Variants in RPS5 observed in about 807,000 individuals in gnomAD.
RPS5 encodes the protein small ribosomal subunit protein uS7.
Under a neutral mutation model 20.9 loss-of-function variants are expected in RPS5, and 2 were observed. The observed-to-expected ratio is 0.10, with a 90% CI of 0.04 to 0.30. RPS5 has a LOEUF of 0.30. Ranked by LOEUF, RPS5 falls within the 10% of genes least tolerant of loss-of-function variation. RPS5 has a pLI of 1.00. For synonymous variants in RPS5, 112 were observed against 105.8 expected (o/e 1.06, Z -0.36); for missense variants, 122 against 287.2 (o/e 0.42, Z 4.16).
chr19:58,388,541 T>G (rs963707150), intron 2 of RPS5: 6 of 494,276 alleles, frequency 1.2e-5, no homozygotes, highest in South Asian at 3.5e-5. Flanking sequence ...CTTTTGCATG[T>G]GAATATCCAG....
chr19:58,393,302 G>A, intron 3 of RPS5, 57 bp from the exon 4 acceptor site: 1 of 1,608,510 alleles, frequency 6.2e-7, no homozygotes, highest in South Asian at 1.1e-5. Flanking sequence ...TTAGGTATGA[G>A]GAAAGGGGAG....
chr19:58,388,909 G>A (rs1182942788), intron 2 of RPS5, among the ~76,000 whole-genome samples: 5 of 152,246 alleles, frequency 3.3e-5, no homozygotes, highest in East Asian at 3.9e-4. Flanking sequence ...GATTACAGGC[G>A]TGAGCCACCG....
chr19:58,388,620 A>G, intron 2 of RPS5: 1 of 389,342 alleles, frequency 2.6e-6, no homozygotes, highest in Non-Finnish European at 4.5e-6. Context: ...CACTTGTCAT[A>G]AATCAGCTGG....
At position 58,392,969 on chromosome 19, in the gene RPS5, G is replaced by T. The variant is rs1364886006; in HGVS notation, c.109-7G>T. 2.2e-5 allele frequency: 36 copies of T among 1,612,404 alleles called. No homozygotes were observed. Among genetic ancestry groups the T allele is most frequent in the African/African-American group, 5.3e-5 (4 of 74,900 alleles). ...TTCCCTTCATTTCCTGCTCCCTGCT[G>T]CCCCAGGATTACATTGCAGTGAAGG... On this transcript the variant is annotated splice_region_variant and splice_polypyrimidine_tract_variant and intron_variant, in intron 2 of 5. Coordinates refer to ENST00000196551, the MANE Select transcript of RPS5 (RefSeq NM_001009.4).
At chr19:58,392,712 G>C (rs547403554) in intron 2 of RPS5, among the ~76,000 whole-genome samples, 3 of 151,540 alleles carry the variant, frequency 2.0e-5, no homozygotes, top group Admixed American at 6.6e-5. Context: ...CAATTATCTG[G>C]TCCAAAATCT....
At chr19:58,388,016 T>A (rs2052337859) in intron 1 of RPS5, 121 bp from the exon 2 acceptor site, 1 of 659,472 alleles carries the variant, frequency 1.5e-6, no homozygotes, top group African/African-American at 1.8e-5. Flanking sequence ...CCTTTCTTGG[T>A]CCTTTGCGAC....
intron 4 of RPS5, 188 bp from the exon 5 acceptor site, chr19:58,394,309 G>A (rs899163328): frequency 1.7e-6 from 1 of 589,512 alleles, no homozygotes; most frequent in Non-Finnish European, 3.1e-6. Context: ...TTCAGCCTGT[G>A]TGTGTGTGTG....
Position 58,388,178 on chromosome 19 carries a change from C to T in RPS5, c.41C>T (p.Thr14Ile). The T allele has an allele frequency of 6.2e-7, 1 of 1,613,062 alleles. No homozygotes were observed. The highest frequency in any genetic ancestry group is 8.5e-7 in the Non-Finnish European group (1 of 1,179,866). Reference protein sequence around the residue: ...WETAAPAVAETPDIKLFGKWS... With the variant: ...WETAAPAVAEIPDIKLFGKWS... ...ACAGCAGCACCAGCGGTGGCAGAGA[C>T]CCCAGACATCAAGCTCTTTGGGAAG... Residue 14 changes from threonine to isoleucine, a missense_variant, in exon 2 of 6, where the codon ACC becomes ATC. By Grantham distance (89) the Thr-to-Ile change is moderately conservative. This residue lies in a region of RPS5 where 22 missense variants were observed against 38.0 expected (regional missense o/e 0.58). Transcript: ENST00000196551.
chr19:58,388,935 T>C (rs2052346315), intron 2 of RPS5, among the ~76,000 whole-genome samples: 1 of 152,180 alleles, frequency 6.6e-6, no homozygotes, highest in Non-Finnish European at 1.5e-5. Flanking sequence ...GGCCCAGATG[T>C]ATGGGTTTCA....
intron 2 of RPS5, among the ~76,000 whole-genome samples, chr19:58,391,202 C>T (rs8106203): frequency 0.1 from 15,343 of 151,888 alleles, 2,623 homozygotes; most frequent in African/African-American, 0.35. Flanking sequence ...GAGACTGAGG[C>T]GGGCAGATCA....
chr19:58,394,409 C>T (rs565148028), intron 4 of RPS5, 88 bp from the exon 5 acceptor site: 13 of 1,112,062 alleles, frequency 1.2e-5, no homozygotes, highest in South Asian at 9.1e-5. Flanking sequence ...TGGGTGACAA[C>T]GTGGCTGGCA....
At chr19:58,389,234 GT>G (rs1310815284) in intron 2 of RPS5, among the ~76,000 whole-genome samples, 1 of 151,972 alleles carries the variant, frequency 6.6e-6, no homozygotes, top group Non-Finnish European at 1.5e-5. Context: ...TATAACTTGG[GT>G]TGCACTTTAT....
chr19:58,391,802 T>C (rs2052365547), intron 2 of RPS5, among the ~76,000 whole-genome samples: 1 of 151,978 alleles, frequency 6.6e-6, no homozygotes, highest in South Asian at 2.1e-4. Flanking sequence ...GGCATGCACC[T>C]GTAGTCCCAG....
At chr19:58,392,343 A>G (rs2052369205) in intron 2 of RPS5, among the ~76,000 whole-genome samples, 1 of 150,468 alleles carries the variant, frequency 6.6e-6, no homozygotes, top group Non-Finnish European at 1.5e-5. Context: ...AAAAAAAACT[A>G]GGCCAGGCGC....
chr19:58,394,635 C>A (rs2052385198), intron 5 of RPS5, 40 bp downstream of exon 5: 3 of 1,613,354 alleles, frequency 1.9e-6, no homozygotes, highest in South Asian at 2.2e-5. Context: ...TTAAGTTGGG[C>A]ATTTGTGGGG....
intron 2 of RPS5, chr19:58,388,633 GTAGTTTTT>G (rs2052342678): frequency 7.3e-6 from 2 of 275,144 alleles, no homozygotes; most frequent in Non-Finnish European, 6.4e-6. Flanking sequence ...TCAGCTGGCC[GTAGTTTTT>G]TTTTTTTTTT....
chr19:58,391,304 C>T (rs1439655566), intron 2 of RPS5, among the ~76,000 whole-genome samples: 1 of 151,668 alleles, frequency 6.6e-6, no homozygotes, highest in African/African-American at 2.4e-5. Flanking sequence ...TGGTGGCGTG[C>T]ACCTGTTGTC....
At chr19:58,388,747 C>T (rs1387107199) in intron 2 of RPS5, among the ~76,000 whole-genome samples, 1 of 150,928 alleles carries the variant, frequency 6.6e-6, no homozygotes. Flanking sequence ...GCCTCAGCCT[C>T]CTGAGTAGCT....
chr19:58,391,700 C>T (rs560663832), intron 2 of RPS5, among the ~76,000 whole-genome samples: 8 of 151,864 alleles, frequency 5.3e-5, no homozygotes, highest in African/African-American at 1.7e-4. Context: ...CTGAGGCGGA[C>T]GGATCACCTG....
Sources: allele counts gnomAD v4.1 joint callset (sites outside exome capture counted in the v4.1 genomes callset), GRCh38; gene constraint gnomAD v4.1.1; regional missense constraint gnomAD v4.1.1; transcripts MANE v1.5; gene names NCBI Gene and HGNC (gene_info 2026-07-23, HGNC 2026-07-21).